The following MAST2 variants were observed in gnomAD, a reference collection of about 807,000 sequenced individuals.
The protein encoded by MAST2 is microtubule associated serine/threonine kinase 2.
A neutral mutation model predicts 147.4 loss-of-function variants in MAST2; 70 were observed. The ratio of observed to expected loss-of-function variants is 0.47; its 90% CI spans 0.39 to 0.58. The LOEUF is 0.58. Among genes scored for constraint, MAST2 ranks in the 20% least tolerant of loss-of-function variants. The pLI is 0.00. For synonymous variants in MAST2, 869 were observed against 896.8 expected, an observed-to-expected ratio of 0.97 and a Z score of 0.55; for missense variants, 2,080 against 2,302.3, an observed-to-expected ratio of 0.90 and a Z score of 1.98.
chr1:45,993,722 CACTA>C (rs1392814158), intron 5 of MAST2, among the ~76,000 whole-genome samples: 3 of 152,136 alleles, frequency 2.0e-5, no homozygotes, highest in South Asian at 2.1e-4. Context: ...TGACTTCTGA[CACTA>C]ACTATCCCAA....
intron 10 of MAST2, among the ~76,000 whole-genome samples, chr1:46,016,307 CAT>C: frequency 6.6e-6 from 1 of 150,380 alleles, no homozygotes; most frequent in South Asian, 2.2e-4. Context: ...TCCTATTCAA[CAT>C]AGTTTTGGAA....
intron 6 of MAST2, among the ~76,000 whole-genome samples, chr1:46,001,291 G>C (rs896529844): frequency 6.6e-6 from 1 of 152,178 alleles, no homozygotes; most frequent in Non-Finnish European, 1.5e-5. Flanking sequence ...CCAGATAGAG[G>C]AAATAGAGGC....
chr1:46,001,399 G>C (rs775970618), intron 6 of MAST2, among the ~76,000 whole-genome samples: 12 of 152,198 alleles, frequency 7.9e-5, no homozygotes, highest in Non-Finnish European at 1.6e-4. Context: ...CTATCTAAGG[G>C]GAGGAAAACT....
intron 9 of MAST2, 103 bp from the exon 10 acceptor site, chr1:46,010,627 A>T: frequency 1.1e-6 from 1 of 933,438 alleles, no homozygotes. Flanking sequence ...GGAAACCAGG[A>T]TCAGAGGGAG....
intron 3 of MAST2, among the ~76,000 whole-genome samples, chr1:45,846,275 G>T (rs1032618993): frequency 1.3e-4 from 20 of 152,070 alleles, no homozygotes; most frequent in Non-Finnish European, 2.2e-4. Context: ...TATTATTACT[G>T]AAAGACAATT....
chr1:46,031,561 GC>G lies in MAST2; in HGVS notation c.3166del (p.Leu1056SerfsTer46). ...NKVIKSASAT[A>X]LSLLIPSEHH... ...AGTGATCAAGTCCGCCTCAGCCACA[GC>G]CCTCTCACTCCTCATTCCTTCGGGT... On this transcript the variant is annotated frameshift_variant, in exon 24 of 29. Transcript: ENST00000361297. LOFTEE classifies it high-confidence loss of function. This position sits in a 1 kb window ranked among gnomAD's most constrained non-coding sequence, Gnocchi z 4.1. The G allele has an allele frequency of 6.2e-7, 1 of 1,613,694 alleles. No individual in the cohort carries two copies. The highest frequency in any genetic ancestry group is 8.5e-7 in the Non-Finnish European group (1 of 1,179,632).
chr1:45,833,330 A>G (rs1294945868), intron 3 of MAST2, among the ~76,000 whole-genome samples: 2 of 152,208 alleles, frequency 1.3e-5, no homozygotes, highest in Non-Finnish European at 1.5e-5. Flanking sequence ...ATACAATCGT[A>G]TCATTATATG....
chr1:45,838,200 C>T (rs1299257188), intron 3 of MAST2, among the ~76,000 whole-genome samples: 2 of 146,410 alleles, frequency 1.4e-5, no homozygotes, highest in African/African-American at 5.0e-5. Context: ...TGCTTATTTG[C>T]CAATTATATA....
chr1:46,029,006 G>A (rs938670630), intron 18 of MAST2, 73 bp downstream of exon 18: 83 of 1,447,850 alleles, frequency 5.7e-5, no homozygotes, highest in Non-Finnish European at 6.8e-5. Context: ...CAGGCAGCTC[G>A]TGAGGCCTGT....
intron 4 of MAST2, among the ~76,000 whole-genome samples, chr1:45,899,122 T>C (rs1649281249): frequency 1.3e-5 from 2 of 152,284 alleles, no homozygotes; most frequent in East Asian, 1.9e-4. Flanking sequence ...GATCTGTTTT[T>C]ACCTTCTTTG....
chr1:45,946,282 G>C (rs1251350222), intron 4 of MAST2, among the ~76,000 whole-genome samples: 1 of 152,114 alleles, frequency 6.6e-6, no homozygotes, highest in Non-Finnish European at 1.5e-5. Context: ...TGTTTTCTTG[G>C]TGGTGGGGAG....
chr1:45,807,313 T>C (rs1178573110), intron 1 of MAST2, among the ~76,000 whole-genome samples: 1 of 152,220 alleles, frequency 6.6e-6, no homozygotes, highest in African/African-American at 2.4e-5. Flanking sequence ...TCCTCTGTCC[T>C]TAGCTTGATC....
At chr1:45,936,043 ATTTG>A (rs1486896301) in intron 4 of MAST2, among the ~76,000 whole-genome samples, 3 of 152,084 alleles carry the variant, frequency 2.0e-5, no homozygotes, top group East Asian at 1.9e-4. Context: ...ATAGTTTCCC[ATTTG>A]TTTGTGTCAT....
At chr1:45,849,352 C>T (rs1645548124) in intron 3 of MAST2, among the ~76,000 whole-genome samples, 2 of 151,806 alleles carry the variant, frequency 1.3e-5, no homozygotes, top group South Asian at 4.1e-4. Context: ...GATACAGTAA[C>T]CAAAACAGCA....
chr1:45,933,460 CCGGGCA>C (rs1655678549), intron 4 of MAST2, among the ~76,000 whole-genome samples: 1 of 152,010 alleles, frequency 6.6e-6, no homozygotes, highest in African/African-American at 2.4e-5. Context: ...AGAACTCTGG[CCGGGCA>C]CGGTGGCTCA....
intron 2 of MAST2, among the ~76,000 whole-genome samples, chr1:45,826,395 C>G (rs956022606): frequency 6.6e-6 from 1 of 152,140 alleles, no homozygotes; most frequent in Non-Finnish European, 1.5e-5. Flanking sequence ...CTCTGTCGCC[C>G]AGGCTGGAGT....
chr1:45,867,907 A>G (rs1646223963), intron 3 of MAST2, among the ~76,000 whole-genome samples: 1 of 152,116 alleles, frequency 6.6e-6, no homozygotes, highest in African/African-American at 2.4e-5. Context: ...AGTCTGGTGT[A>G]TTTGCTCAGC....
At chr1:45,882,046 G>T (rs1369076933) in intron 3 of MAST2, among the ~76,000 whole-genome samples, 8 of 85,826 alleles carry the variant, frequency 9.3e-5, no homozygotes, top group African/African-American at 3.3e-4. Context: ...AAAAAAATTA[G>T]CCAGGCGTGG....
chr1:45,963,455 GT>G (rs1393231436), intron 5 of MAST2, among the ~76,000 whole-genome samples: 1 of 152,188 alleles, frequency 6.6e-6, no homozygotes, highest in Non-Finnish European at 1.5e-5. Context: ...GTGGTTTATA[GT>G]TTTCCTTGAA....
Sources: gnomAD v4.1 joint callset for allele counts (sites outside exome capture counted in the v4.1 genomes callset) on GRCh38, gnomAD v4.1.1 for gene constraint, Gnocchi (gnomAD v3.1) non-coding constraint, MANE v1.5 for transcripts, NCBI Gene and HGNC (gene_info 2026-07-23, HGNC 2026-07-21) for gene names.